SYT6: variants seen among roughly 807,000 people sequenced by gnomAD.
The protein encoded by SYT6 is synaptotagmin 6.
SYT6 carries 24 observed loss-of-function variants against 38.4 expected under a neutral mutation model. The ratio of observed to expected loss-of-function variants is 0.62; its 90% CI spans 0.45 to 0.88. The LOEUF (loss-of-function observed/expected upper bound fraction) is 0.88. Ranked by LOEUF, SYT6 falls within the 40% of genes least tolerant of loss-of-function variation. The pLI is 0.00. For missense variants in SYT6, 611 were observed against 621.0 expected (o/e 0.98, Z 0.17); for synonymous variants, 265 against 241.9 (o/e 1.10, Z -0.89).
At chr1:114,095,851 G>T (rs867828303) in intron 6 of SYT6, among the ~76,000 whole-genome samples, 46 of 152,040 alleles carry the variant, frequency 3.0e-4, no homozygotes, top group African/African-American at 9.6e-4. Context: ...TAGTAGAGAC[G>T]GGGTTTCACC....
chr1:114,149,240 T>TGTGTGTGTG (rs369263313), intron 1 of SYT6, among the ~76,000 whole-genome samples: 1 of 146,878 alleles, frequency 6.8e-6, no homozygotes, highest in South Asian at 2.2e-4. Context: ...TGTGTGTGTG[T>TGTGTGTGTG]TGGGAGAACA....
chr1:114,099,375 T>C (rs960585450), intron 4 of SYT6, 110 bp from the exon 5 acceptor site: 7 of 1,101,982 alleles, frequency 6.4e-6, no homozygotes, highest in African/African-American at 1.6e-5. Flanking sequence ...GCTCATCAGA[T>C]GGTATCAGTG....
chr1:114,100,152 A>G (rs1675874257), intron 4 of SYT6, among the ~76,000 whole-genome samples: 1 of 152,202 alleles, frequency 6.6e-6, no homozygotes, highest in Non-Finnish European at 1.5e-5. Context: ...ACCCAAGTGA[A>G]GTGAAACCTA....
chr1:114,124,737 A>C (rs760686050), intron 3 of SYT6, among the ~76,000 whole-genome samples: 2 of 152,210 alleles, frequency 1.3e-5, no homozygotes, highest in African/African-American at 2.4e-5. Flanking sequence ...TGCTCTCCCC[A>C]ACCCAGGAAG....
Position 114,137,837 on chromosome 1 carries a change from G to A in SYT6, c.729C>T (p.Thr243=), listed in dbSNP as rs377520958. The change falls in exon 3 of 8, where the codon ACC becomes ACT. Residue 243 remains threonine, a synonymous_variant. Transcript: ENST00000610222. ...INFSLRYDYE[T]ETLIVRILKA... is the part of the protein sequence containing the mutation. ...TCAGGATACGCACAATCAGGGTCTC[G>A]GTCTCGTAATCGTAGCGTAGGCTGA... The A allele has an allele frequency of 2.1e-5, 34 of 1,613,904 alleles. No homozygotes were observed. The highest frequency in any genetic ancestry group is 8.9e-5 in the East Asian group (4 of 44,872).
intron 3 of SYT6, among the ~76,000 whole-genome samples, chr1:114,109,107 G>C (rs956986383): frequency 1.6e-4 from 25 of 152,214 alleles, no homozygotes; most frequent in Non-Finnish European, 3.5e-4. Context: ...TGGGGGTACA[G>C]AGATGAGTCA....
intron 3 of SYT6, 45 bp downstream of exon 3, chr1:114,137,450 A>G: frequency 6.3e-7 from 1 of 1,577,100 alleles, no homozygotes. Context: ...CACCCAACCC[A>G]GAACCACAAA....
intron 3 of SYT6, among the ~76,000 whole-genome samples, chr1:114,108,186 C>T (rs181437340): frequency 3.7e-4 from 57 of 152,250 alleles, no homozygotes; most frequent in Admixed American, 7.8e-4. Context: ...CACCTGATGT[C>T]GCTGCCCATA....
At chr1:114,098,153 G>A (rs932507147) in intron 5 of SYT6, among the ~76,000 whole-genome samples, 65 of 152,196 alleles carry the variant, frequency 4.3e-4, no homozygotes, top group Non-Finnish European at 1.5e-4. Context: ...TGCGAGGTGA[G>A]ACAGTCTAAG....
chr1:114,138,743 A>G (rs1678665007), intron 2 of SYT6, among the ~76,000 whole-genome samples: 1 of 152,234 alleles, frequency 6.6e-6, no homozygotes, highest in Non-Finnish European at 1.5e-5. Flanking sequence ...TATCAATCAC[A>G]TTGATTCTTC....
chr1:114,125,321 T>A (rs1200049864), intron 3 of SYT6, among the ~76,000 whole-genome samples: 1 of 151,896 alleles, frequency 6.6e-6, no homozygotes, highest in Admixed American at 6.5e-5. Context: ...TGGATGAACA[T>A]CTTGCTGTGG....
At chr1:114,149,337 G>A (rs1004364468) in intron 1 of SYT6, among the ~76,000 whole-genome samples, 7 of 143,302 alleles carry the variant, frequency 4.9e-5, no homozygotes, top group South Asian at 2.2e-4. Context: ...TAGGAGAACC[G>A]GTGTAATTAA....
At position 114,147,248 on chromosome 1, in the gene SYT6, G is replaced by A. The variant is rs150686644; in HGVS notation, c.163+6362C>T. Among the ~76,000 whole-genome samples, 723 of 152,300 alleles carry A rather than the reference G, an allele frequency of 4.7e-3. 11 individuals are homozygous for A. The highest frequency in any genetic ancestry group is 4.3e-3 in the Non-Finnish European group (291 of 68,036). The stretch of plus-strand genomic sequence containing the variant: ...TACTCATTTGCTTGCTGCCTCCTCA[G>A]TTGTTTTGTTGTTACCATCACCAGC... On this transcript the variant is annotated intron_variant, in intron 1 of 7. Transcript: ENST00000610222.
At chr1:114,116,089 C>T (rs891536837) in intron 3 of SYT6, among the ~76,000 whole-genome samples, 18 of 152,180 alleles carry the variant, frequency 1.2e-4, no homozygotes, top group Middle Eastern at 3.2e-3. Flanking sequence ...CCCCACCTGC[C>T]TCTCTTGAAA....
At chr1:114,117,253 C>T (rs143995586) in intron 3 of SYT6, among the ~76,000 whole-genome samples, 178 of 152,334 alleles carry the variant, frequency 1.2e-3, no homozygotes, top group Non-Finnish European at 1.9e-3. Flanking sequence ...CCCTGATTTA[C>T]AGGCATAAGA....
chr1:114,106,629 TG>T (rs1164038161), intron 3 of SYT6, among the ~76,000 whole-genome samples: 5 of 152,124 alleles, frequency 3.3e-5, no homozygotes, highest in African/African-American at 1.2e-4. Flanking sequence ...TCCACATGGC[TG>T]GTATATTGTT....
intron 6 of SYT6, among the ~76,000 whole-genome samples, chr1:114,096,781 T>A (rs1039271174): frequency 8.5e-5 from 13 of 152,216 alleles, no homozygotes; most frequent in African/African-American, 3.1e-4. Flanking sequence ...ATTAGTAGAA[T>A]TTCCAATTTA....
At chr1:114,133,248 G>A (rs757551509) in intron 3 of SYT6, among the ~76,000 whole-genome samples, 3 of 152,158 alleles carry the variant, frequency 2.0e-5, no homozygotes, top group East Asian at 3.9e-4. Flanking sequence ...GAAGATGGCC[G>A]AATCCATTAG....
intron 1 of SYT6, among the ~76,000 whole-genome samples, chr1:114,151,547 C>T (rs1679437624): frequency 6.6e-6 from 1 of 152,146 alleles, no homozygotes. Flanking sequence ...ACAGCCCTGC[C>T]CCACTTCCAG....
Sources: gnomAD v4.1 joint callset for allele counts (sites outside exome capture counted in the v4.1 genomes callset) on GRCh38, gnomAD v4.1.1 for gene constraint, MANE v1.5 for transcripts, NCBI Gene and HGNC (gene_info 2026-07-23, HGNC 2026-07-21) for gene names.